Variants in EPC1 observed in about 807,000 individuals in gnomAD.
The protein encoded by EPC1 is enhancer of polycomb homolog 1.
EPC1 carries 12 observed loss-of-function variants against 98.4 expected under a neutral mutation model. The ratio of observed to expected loss-of-function variants is 0.12; its 90% CI spans 0.08 to 0.20. The LOEUF (loss-of-function observed/expected upper bound fraction) is 0.20. Among genes scored for constraint, EPC1 ranks in the 10% least tolerant of loss-of-function variants. EPC1 has a pLI of 1.00. For missense variants in EPC1, 729 were observed against 990.5 expected, an observed-to-expected ratio of 0.74 and a Z score of 3.54; for synonymous variants, 357 against 363.9, an observed-to-expected ratio of 0.98 and a Z score of 0.21.
At chr10:32,312,218 T>C (rs553155547) in intron 1 of EPC1, among the ~76,000 whole-genome samples, 1 of 152,332 alleles carries the variant, frequency 6.6e-6, no homozygotes, top group South Asian at 2.1e-4. Context: ...GTCAAGGATC[T>C]GTCCTTTTTC....
rs1297420568 is a variant in EPC1, at chr10:32,284,794, A to G, written c.1648T>C (p.Tyr550His). The change falls in exon 10 of 14, where the codon TAT becomes CAT. Residue 550 changes from tyrosine to histidine, a missense_variant. By Grantham distance (83) the Tyr-to-His change is moderately conservative. Transcript: ENST00000319778. Reference sequence around the variant, plus strand: ...GTTCCTGTTCGGTTTATACTCCTATATAATTTTCTACAGGAGAGTTCATCA... The same window carrying G: ...GTTCCTGTTCGGTTTATACTCCTATGTAATTTTCTACAGGAGAGTTCATCA... ...DNDELSCRKL[Y>H]RSINRTGTAQ... 5 of 1,614,102 alleles carry G rather than the reference A, an allele frequency of 3.1e-6. No homozygotes were observed. The highest frequency in any genetic ancestry group is 4.2e-6 in the Non-Finnish European group (5 of 1,180,038).
At chr10:32,319,134 C>CT (rs1836732353) in intron 1 of EPC1, among the ~76,000 whole-genome samples, 1 of 152,180 alleles carries the variant, frequency 6.6e-6, no homozygotes, top group African/African-American at 2.4e-5. Context: ...GTCTACCCCG[C>CT]TTTTGGAAAG....
intron 1 of EPC1, among the ~76,000 whole-genome samples, chr10:32,332,908 TAA>T (rs763155116): frequency 2.0e-5 from 3 of 152,200 alleles, no homozygotes; most frequent in Non-Finnish European, 2.9e-5. Flanking sequence ...AAGCTGTTTT[TAA>T]AAAGTCTCAT....
chr10:32,305,183 G>C (rs955455390), intron 2 of EPC1, among the ~76,000 whole-genome samples: 7 of 152,192 alleles, frequency 4.6e-5, no homozygotes, highest in African/African-American at 1.7e-4. Flanking sequence ...TTAAAAATTA[G>C]CATCACTCTA....
At chr10:32,351,808 G>A (rs961747679), upstream of EPC1, among the ~76,000 whole-genome samples, 1 of 145,868 alleles carries the variant, frequency 6.9e-6, no homozygotes, top group Non-Finnish European at 1.5e-5. Flanking sequence ...TCGGCTCACT[G>A]CAACCTCCAC....
chr10:32,353,206 A>G (rs1011449712), intron 1 of EPC1, among the ~76,000 whole-genome samples: 1 of 151,938 alleles, frequency 6.6e-6, no homozygotes, highest in African/African-American at 2.4e-5. Context: ...CTGATTCCAG[A>G]GTGCAGTCCC....
intron 10 of EPC1, among the ~76,000 whole-genome samples, chr10:32,279,526 A>C (rs1040557566): frequency 6.6e-6 from 1 of 152,202 alleles, no homozygotes; most frequent in Non-Finnish European, 1.5e-5. Flanking sequence ...ACGGATATTA[A>C]GACTTGGAAC....
intron 1 of EPC1, among the ~76,000 whole-genome samples, chr10:32,367,930 C>CAAT (rs1465526887): frequency 6.6e-6 from 1 of 152,194 alleles, no homozygotes; most frequent in East Asian, 1.9e-4. Flanking sequence ...AATGTAAACT[C>CAAT]ATAATTGTCA....
chr10:32,363,985 G>A lies in EPC1; in HGVS notation c.3+14506C>T, dbSNP rs181093138. On this transcript the variant is annotated intron_variant, in intron 1 of 13. Coordinates refer to the EPC1 transcript ENST00000375110. The stretch of plus-strand genomic sequence containing the variant: ...AAAAGTCTAATTTTATAATAGTATC[G>A]TGTCCATCATGTTGGCATTTTTTTT... 9.1e-3 allele frequency among the ~76,000 whole-genome samples: 1,149 copies of A among 126,808 alleles called. 18 individuals carry two copies. The highest frequency in any genetic ancestry group is 0.033 in the African/African-American group (1,088 of 33,116). The allele number at this position is 126,808 out of a possible 152,430, so 83.2% of individuals were successfully genotyped here.
chr10:32,294,609 G>A (rs1162388339), intron 2 of EPC1, among the ~76,000 whole-genome samples: 17 of 152,144 alleles, frequency 1.1e-4, no homozygotes, highest in Non-Finnish European at 1.6e-4. Flanking sequence ...GTTTCTCTAC[G>A]CGAACACTGT....
chr10:32,326,434 G>A (rs938931013), intron 1 of EPC1, among the ~76,000 whole-genome samples: 1 of 152,060 alleles, frequency 6.6e-6, no homozygotes, highest in Non-Finnish European at 1.5e-5. Flanking sequence ...GCTGATCCAG[G>A]ACAATGATCC....
chr10:32,301,057 T>TCTAC (rs1183179470), intron 2 of EPC1, among the ~76,000 whole-genome samples: 2 of 150,516 alleles, frequency 1.3e-5, no homozygotes, highest in Non-Finnish European at 3.0e-5. Context: ...TATCTATCTA[T>TCTAC]CTATCTATCT....
chr10:32,360,017 T>TACTA (rs1444860510), intron 1 of EPC1, among the ~76,000 whole-genome samples: 1 of 152,178 alleles, frequency 6.6e-6, no homozygotes, highest in Non-Finnish European at 1.5e-5. Flanking sequence ...GTATCATTAG[T>TACTA]AGTTTTGTAT....
At chr10:32,271,415 G>A (rs1835837490) in intron 13 of EPC1, 139 bp downstream of exon 13, 1 of 967,852 alleles carries the variant, frequency 1.0e-6, no homozygotes, top group African/African-American at 1.6e-5. Context: ...GAATAAATAA[G>A]TGATCAATTC....
intron 1 of EPC1, among the ~76,000 whole-genome samples, chr10:32,327,015 AAAAT>A (rs149884271): frequency 0.48 from 57,978 of 121,420 alleles, 16,226 homozygotes; most frequent in Non-Finnish European, 0.64. Context: ...AAAAAAAAAA[AAAAT>A]CAATGTAAAT....
At chr10:32,290,816 C>A (rs1482882233) in intron 6 of EPC1, among the ~76,000 whole-genome samples, 1 of 151,362 alleles carries the variant, frequency 6.6e-6, no homozygotes, top group African/African-American at 2.4e-5. Flanking sequence ...GCTGTGTCAC[C>A]CAGGCTGGAG....
chr10:32,276,984 G>T (rs975421876), intron 10 of EPC1, among the ~76,000 whole-genome samples: 4 of 152,146 alleles, frequency 2.6e-5, no homozygotes, highest in African/African-American at 9.7e-5. Context: ...AGGACTCTTA[G>T]AGATTGTAGG....
intron 1 of EPC1, among the ~76,000 whole-genome samples, chr10:32,373,751 T>G (rs540389160): frequency 1.3e-5 from 2 of 152,184 alleles, no homozygotes; most frequent in Non-Finnish European, 1.5e-5. Context: ...GGAAAGACAT[T>G]GCTGATGTTA....
chr10:32,369,559 C>T (rs551280076), intron 1 of EPC1, among the ~76,000 whole-genome samples: 4 of 152,118 alleles, frequency 2.6e-5, no homozygotes, highest in African/African-American at 9.7e-5. Context: ...GAAGACAACA[C>T]CCCAAATTGT....
Sources: gnomAD v4.1 joint callset for allele counts (sites outside exome capture counted in the v4.1 genomes callset) on GRCh38, gnomAD v4.1.1 for gene constraint, MANE v1.5 for transcripts, NCBI Gene and HGNC (gene_info 2026-07-23, HGNC 2026-07-21) for gene names.